Variants in DENND4C observed in about 807,000 individuals in gnomAD.
DENND4C encodes DENN domain containing 4C, also known as DENN domain-containing protein 4C.
A neutral mutation model predicts 203.0 loss-of-function variants in DENND4C; 108 were observed. That is an observed-to-expected ratio of 0.53 (90% CI 0.46 to 0.62). The LOEUF is 0.62. Ranked by LOEUF, DENND4C falls within the 20% of genes least tolerant of loss-of-function variation. The probability of loss-of-function intolerance (pLI) is 0.00; values close to 1 mark genes in which losing one functional copy is unlikely to be tolerated. For missense variants in DENND4C, 2,481 were observed against 2,301.2 expected, an observed-to-expected ratio of 1.08 and a Z score of -1.60; for synonymous variants, 871 against 792.4, an observed-to-expected ratio of 1.10 and a Z score of -1.67.
chr9:19,245,611 C>G lies in DENND4C; in HGVS notation c.-18+14778C>G, dbSNP rs369564465. On this transcript the variant is annotated intron_variant, in intron 1 of 32. Transcript: ENST00000434457. ...GTGGCTCACTCCTGTAATCCCAGCA[C>G]TTTGGAAGGCCGAGGCGGGTGGATC... Among the ~76,000 whole-genome samples the G allele has an allele frequency of 3.9e-5, 6 of 152,010 alleles. No individual in the cohort carries two copies. The East Asian group carries it at 9.6e-4, about 24-fold the overall frequency.
chr9:19,294,347 A>G (rs1836983264), intron 5 of DENND4C, among the ~76,000 whole-genome samples: 1 of 152,128 alleles, frequency 6.6e-6, no homozygotes, highest in Non-Finnish European at 1.5e-5. Flanking sequence ...CAGCAAAGGA[A>G]TAAAGAGTTT....
chr9:19,356,252 G>A (rs746347022), intron 26 of DENND4C, among the ~76,000 whole-genome samples: 1 of 152,024 alleles, frequency 6.6e-6, no homozygotes, highest in Non-Finnish European at 1.5e-5. Context: ...CAAAGACTTT[G>A]ATATGCATAT....
At chr9:19,258,071 TTG>T (rs1828422098) in intron 1 of DENND4C, among the ~76,000 whole-genome samples, 1 of 152,100 alleles carries the variant, frequency 6.6e-6, no homozygotes, top group South Asian at 2.1e-4. Context: ...TGAGCTGTCA[TTG>T]TGTCACTGCA....
rs777987342 is a variant in DENND4C, at chr9:19,305,466, G to A, written c.1426G>A (p.Asp476Asn). Residue 476 changes from aspartate (D) to asparagine (N), a missense_variant, in exon 10 of 33, where the codon GAT (aspartate) becomes AAT (asparagine). Asp to Asn is a conservative substitution (Grantham distance 23, BLOSUM62 1). This residue lies in a region of DENND4C where 2,289 missense variants were observed against 2,113.3 expected (regional missense o/e 1.08). Transcript: ENST00000434457. ...FIVGVDSRYF[D>N]LHDPPQDVVC... The stretch of plus-strand genomic sequence containing the variant: ...AGTTGGAGTTGACTCAAGGTATTTT[G>A]ATCTTCATGACCCACCACAAGATGT... The A allele has an allele frequency of 6.2e-7, 1 of 1,613,764 alleles. No individual in the cohort carries two copies. The highest frequency in any genetic ancestry group is 2.2e-5 in the East Asian group (1 of 44,848).
Position 19,316,772 on chromosome 9 carries a change from T to C in DENND4C, c.1740T>C (p.Tyr580=), listed in dbSNP as rs755769460. 6.8e-6 allele frequency: 11 copies of C among 1,614,042 alleles called. No individual in the cohort carries two copies. The highest frequency in any genetic ancestry group is 9.3e-6 in the Non-Finnish European group (11 of 1,179,978). Residue 580 remains tyrosine, a synonymous_variant, in exon 12 of 33, where the codon TAT becomes TAC. Transcript: ENST00000434457. ...CTATTTTAAAAGGATATAGAACATA[T>C]CTCAGACCAATCACAGAGGCTCCTT... ...MASILKGYRT[Y]LRPITEAPSN...
intron 21 of DENND4C, 27 bp from the exon 22 acceptor site, chr9:19,342,606 T>A: frequency 6.4e-7 from 1 of 1,570,092 alleles, no homozygotes; most frequent in Non-Finnish European, 8.6e-7. Context: ...AAAGTAGGAA[T>A]GATAACATCC....
chr9:19,236,670 G>A (rs1326769105), intron 1 of DENND4C, among the ~76,000 whole-genome samples: 1 of 152,176 alleles, frequency 6.6e-6, no homozygotes, highest in African/African-American at 2.4e-5. Context: ...CATGTATTGA[G>A]AACAGCATGG....
chr9:19,354,628 TACA>T (rs1824962857), intron 26 of DENND4C, among the ~76,000 whole-genome samples: 1 of 141,144 alleles, frequency 7.1e-6, no homozygotes, highest in South Asian at 2.5e-4. Context: ...AATCTTGGCC[TACA>T]ACGTCTGCCT....
chr9:19,364,006 T>TC (rs1326791194), intron 30 of DENND4C, among the ~76,000 whole-genome samples: 1 of 151,884 alleles, frequency 6.6e-6, no homozygotes, highest in African/African-American at 2.4e-5. Context: ...GCAGCAAGAC[T>TC]CCATCTCATA....
chr9:19,301,885 TGA>T (rs145987842), intron 9 of DENND4C, among the ~76,000 whole-genome samples: 3,250 of 152,228 alleles, frequency 0.021, 40 homozygotes, highest in Non-Finnish European at 0.032. Flanking sequence ...TGCTATGAGC[TGA>T]GATTGCGCCA....
At chr9:19,256,222 A>G (rs1326934275) in intron 1 of DENND4C, among the ~76,000 whole-genome samples, 3 of 152,112 alleles carry the variant, frequency 2.0e-5, no homozygotes, top group Non-Finnish European at 2.9e-5. Flanking sequence ...ATTCTTGGAA[A>G]ATTCCCAAGT....
intron 9 of DENND4C, among the ~76,000 whole-genome samples, chr9:19,301,965 CT>C (rs1838685249): frequency 6.6e-6 from 1 of 152,104 alleles, no homozygotes; most frequent in African/African-American, 2.4e-5. Context: ...CAAAATATTC[CT>C]TACTAAAACA....
chr9:19,252,740 CAT>C (rs781315574), intron 1 of DENND4C, among the ~76,000 whole-genome samples: 20 of 122,674 alleles, frequency 1.6e-4, no homozygotes, highest in East Asian at 4.6e-4. Flanking sequence ...CACACACACA[CAT>C]ACTTTTTTTT....
intron 1 of DENND4C, among the ~76,000 whole-genome samples, chr9:19,263,028 G>T (rs937899665): frequency 7.2e-5 from 11 of 152,278 alleles, no homozygotes; most frequent in African/African-American, 2.6e-4. Flanking sequence ...CTTAGAGGAA[G>T]GCTTTTAATA....
chr9:19,271,830 T>C (rs911281651), intron 1 of DENND4C, among the ~76,000 whole-genome samples: 15 of 149,478 alleles, frequency 1.0e-4, no homozygotes, highest in African/African-American at 3.5e-4. Flanking sequence ...GATCGCGCCA[T>C]TGCACTCCAG....
chr9:19,317,426 T>G (rs1488149528), intron 12 of DENND4C, among the ~76,000 whole-genome samples: 1 of 152,210 alleles, frequency 6.6e-6, no homozygotes, highest in Non-Finnish European at 1.5e-5. Context: ...GTATACTCGT[T>G]ATTTTTAGTA....
At chr9:19,270,172 A>C (rs1588796889) in intron 1 of DENND4C, among the ~76,000 whole-genome samples, 1 of 151,996 alleles carries the variant, frequency 6.6e-6, no homozygotes, top group South Asian at 2.1e-4. Context: ...TGACACAAGC[A>C]CCCCTGCAAC....
At chr9:19,250,024 C>T (rs56831177) in intron 1 of DENND4C, among the ~76,000 whole-genome samples, 9,602 of 152,108 alleles carry the variant, frequency 0.063, 563 homozygotes, top group African/African-American at 0.15. Flanking sequence ...TGTGGCTGGG[C>T]GCTGTAGCTA....
At chr9:19,298,324 AC>A (rs1197778900) in intron 7 of DENND4C, among the ~76,000 whole-genome samples, 4 of 152,014 alleles carry the variant, frequency 2.6e-5, no homozygotes, top group Admixed American at 6.6e-5. Context: ...AATAATTATA[AC>A]CCTTGGTTCA....
Sources: allele counts gnomAD v4.1 joint callset (sites outside exome capture counted in the v4.1 genomes callset), GRCh38; gene constraint gnomAD v4.1.1; regional missense constraint gnomAD v4.1.1; transcripts MANE v1.5; gene names NCBI Gene and HGNC (gene_info 2026-07-23, HGNC 2026-07-21).